CNOT10: variants seen among roughly 807,000 people sequenced by gnomAD.
CNOT10 encodes the protein CCR4-NOT transcription complex, subunit 10.
Under a neutral mutation model 94.6 loss-of-function variants are expected in CNOT10, and 30 were observed. The ratio of observed to expected loss-of-function variants is 0.32; its 90% CI spans 0.24 to 0.43. The LOEUF (loss-of-function observed/expected upper bound fraction) is 0.43, where lower values mean the gene tolerates loss of function less well. CNOT10 is among the 20% of genes least tolerant of loss of function. The pLI is 1.00. For missense variants in CNOT10, 759 were observed against 877.2 expected (o/e 0.87, Z 1.70); for synonymous variants, 289 against 301.6 (o/e 0.96, Z 0.43).
intron 13 of CNOT10, among the ~76,000 whole-genome samples, chr3:32,750,614 G>T (rs999781789): frequency 1.3e-5 from 2 of 150,820 alleles, no homozygotes; most frequent in Non-Finnish European, 3.0e-5. Context: ...GTGCACTGGC[G>T]CAATCTTGGC....
intron 1 of CNOT10, among the ~76,000 whole-genome samples, chr3:32,685,836 C>T (rs757816986): frequency 2.0e-5 from 3 of 152,268 alleles, no homozygotes; most frequent in East Asian, 1.9e-4. Flanking sequence ...ACACATCTGC[C>T]TATAATATCG....
At chr3:32,690,881 G>C (rs760948174) in intron 1 of CNOT10, among the ~76,000 whole-genome samples, 1 of 151,726 alleles carries the variant, frequency 6.6e-6, no homozygotes, top group Non-Finnish European at 1.5e-5. Context: ...TATTATGAAT[G>C]ATTTCAAACA....
rs12498082 is a variant in CNOT10 at position 32,742,720 on chromosome 3, C to G, written c.1595+5230C>G. Among the ~76,000 whole-genome samples, 7 of 152,268 alleles carry G rather than the reference C, an allele frequency of 4.6e-5. No individual in the cohort carries two copies. In the South Asian group the frequency reaches 1.0e-3, roughly 23 times the overall value. ...TTGTAGTCTGTAAACTGCTCTGTACCTTACTTTGTTCCCATATCAGCACAA... is the reference window on the plus strand; with the variant it reads ...TTGTAGTCTGTAAACTGCTCTGTACGTTACTTTGTTCCCATATCAGCACAA... On this transcript the variant is annotated intron_variant, in intron 13 of 18. Transcript: ENST00000328834.
intron 2 of CNOT10, among the ~76,000 whole-genome samples, 169 bp downstream of exon 2, chr3:32,704,131 G>A (rs931857927): frequency 6.6e-6 from 1 of 152,144 alleles, no homozygotes; most frequent in African/African-American, 2.4e-5. Flanking sequence ...TTTAAATATG[G>A]TGAAAGGAAT....
chr3:32,744,267 T>A (rs1226875139), intron 13 of CNOT10, among the ~76,000 whole-genome samples: 1 of 152,162 alleles, frequency 6.6e-6, no homozygotes, highest in East Asian at 1.9e-4. Context: ...TCTTTTAGAT[T>A]ATTGAAAATG....
At chr3:32,693,992 G>A (rs1202554385) in intron 1 of CNOT10, among the ~76,000 whole-genome samples, 1 of 151,888 alleles carries the variant, frequency 6.6e-6, no homozygotes, top group African/African-American at 2.4e-5. Flanking sequence ...AATTTTTTAG[G>A]TATGTAAGTT....
chr3:32,764,843 AAGC>A, intron 17 of CNOT10, 34 bp downstream of exon 17: 1 of 1,606,604 alleles, frequency 6.2e-7, no homozygotes, highest in Non-Finnish European at 8.5e-7. Flanking sequence ...GAACCTTGTA[AAGC>A]AGCCAACACA....
rs548484099 is a variant in CNOT10, at chr3:32,757,030, G to T, written c.1596-2428G>T. On this transcript the variant is annotated intron_variant, in intron 13 of 18. Coordinates refer to ENST00000328834, the MANE Select transcript of CNOT10 (RefSeq NM_015442.3). ...CTGAGGCAGGAGAATAGCTTGAACC[G>T]AGGAGGCAGAGGTTGCAGTCAGCCG... Among the ~76,000 whole-genome samples the T allele has an allele frequency of 1.7e-3, 253 of 149,470 alleles. 1 individual carries two copies. The highest frequency in any genetic ancestry group is 5.9e-3 in the African/African-American group (240 of 40,664).
intron 5 of CNOT10, 75 bp from the exon 6 acceptor site, chr3:32,716,150 T>C (rs1698108851): frequency 1.3e-6 from 1 of 758,870 alleles, no homozygotes; most frequent in African/African-American, 1.8e-5. Flanking sequence ...TTAGATTAGC[T>C]CACTTGGAAA....
intron 13 of CNOT10, among the ~76,000 whole-genome samples, chr3:32,750,321 C>T (rs889804021): frequency 6.6e-6 from 1 of 151,840 alleles, no homozygotes; most frequent in Admixed American, 6.6e-5. Flanking sequence ...ATGGTGAAAC[C>T]CCATCTCTAC....
chr3:32,759,368 C>T, intron 13 of CNOT10, 90 bp from the exon 14 acceptor site: 1 of 871,740 alleles, frequency 1.1e-6, no homozygotes. Flanking sequence ...CAGATTGTCA[C>T]AGCTAAAGGG....
intron 18 of CNOT10, among the ~76,000 whole-genome samples, chr3:32,771,304 A>G (rs941810020): frequency 6.6e-6 from 1 of 151,876 alleles, no homozygotes; most frequent in Non-Finnish European, 1.5e-5. Context: ...GACCTTGTCT[A>G]AAAAAATAAT....
At chr3:32,771,256 G>C (rs1700891617) in intron 18 of CNOT10, among the ~76,000 whole-genome samples, 1 of 151,904 alleles carries the variant, frequency 6.6e-6, no homozygotes, top group African/African-American at 2.4e-5. Context: ...GAGCCCTGGA[G>C]GTTGAGGCTG....
At chr3:32,770,209 T>A (rs1307328769) in intron 18 of CNOT10, among the ~76,000 whole-genome samples, 1 of 151,970 alleles carries the variant, frequency 6.6e-6, no homozygotes, top group Non-Finnish European at 1.5e-5. Flanking sequence ...GGTCTCGCTT[T>A]GTTGCCCAGG....
chr3:32,764,461 A>T lies in CNOT10; in HGVS notation c.1847A>T (p.Asp616Val). 6.2e-7 allele frequency: 1 copy of T among 1,614,082 alleles called. No homozygotes were observed. The highest frequency in any genetic ancestry group is 8.5e-7 in the Non-Finnish European group (1 of 1,179,988). Residue 616 changes from aspartate to valine, a missense_variant, in exon 16 of 19, where the codon GAC (aspartate) becomes GTC (valine). Physicochemically the swap from Asp to Val is radical, Grantham distance 152. This residue lies in a region of CNOT10 where 682 missense variants were observed against 799.4 expected (regional missense o/e 0.85). Coordinates refer to ENST00000328834, the MANE Select transcript of CNOT10 (RefSeq NM_015442.3). ...TATTTTCGTGTTTTTGTAGGATCAG[A>T]CAAAGGTGAAAATGAAGCAATGGAA... ...ISSNEQDQGS[D>V]KGENEAMESS...
At chr3:32,753,936 A>ACACAC in intron 13 of CNOT10, 12 of 1,039,594 alleles carry the variant, frequency 1.2e-5, no homozygotes, top group African/African-American at 1.6e-5. Context: ...ACACACACAC[A>ACACAC]AAATATAAAA....
At chr3:32,731,514 A>G (rs1698951812) in intron 10 of CNOT10, among the ~76,000 whole-genome samples, 1 of 151,912 alleles carries the variant, frequency 6.6e-6, no homozygotes, top group South Asian at 2.1e-4. Flanking sequence ...CTCACTCTTC[A>G]CTCAGGCTTG....
intron 10 of CNOT10, among the ~76,000 whole-genome samples, chr3:32,732,385 C>A (rs1405701105): frequency 6.6e-6 from 1 of 151,766 alleles, no homozygotes; most frequent in Non-Finnish European, 1.5e-5. Flanking sequence ...TTTCCAGCCT[C>A]AGCAACTTGG....
Position 32,773,746 on chromosome 3 carries a change from C to T in CNOT10, c.*135C>T, listed in dbSNP as rs1249482273. The stretch of plus-strand genomic sequence containing the variant: ...GTCAATTCTACCCCTGACATTTGGC[C>T]AAAAGCTTACTTAAAATTAAGGATT... On this transcript the variant is annotated 3_prime_UTR_variant, in exon 19 of 19. Coordinates refer to ENST00000328834, the MANE Select transcript of CNOT10 (RefSeq NM_015442.3). The T allele has an allele frequency of 8.9e-6, 7 of 785,102 alleles. No individual in the cohort carries two copies. In the Admixed American group the frequency reaches 1.1e-4, roughly 12 times the overall value. The allele number at this position is 785,102 out of a possible 1,614,324, so 48.6% of individuals were successfully genotyped here.
Sources: allele counts gnomAD v4.1 joint callset (sites outside exome capture counted in the v4.1 genomes callset), GRCh38; gene constraint gnomAD v4.1.1; regional missense constraint gnomAD v4.1.1; transcripts MANE v1.5; gene names NCBI Gene and HGNC (gene_info 2026-07-23, HGNC 2026-07-21).